RELCH: variants seen among roughly 807,000 people sequenced by gnomAD.
RELCH encodes the protein RAB11 binding and LisH domain, coiled-coil and HEAT repeat containing, also known as RAB11-binding protein RELCH.
Under a neutral mutation model 150.3 loss-of-function variants are expected in RELCH, and 41 were observed. The ratio of observed to expected loss-of-function variants is 0.27; its 90% CI spans 0.21 to 0.35. RELCH has a LOEUF of 0.35. Ranked by LOEUF, RELCH falls within the 10% of genes least tolerant of loss-of-function variation. The pLI is 1.00. For synonymous variants in RELCH, 478 were observed against 531.8 expected, an observed-to-expected ratio of 0.90 and a Z score of 1.39; for missense variants, 1,092 against 1,467.8, an observed-to-expected ratio of 0.74 and a Z score of 4.18.
Position 62,305,519 on chromosome 18 carries a change from T to C in RELCH, c.3636T>C (p.Phe1212=). ...TTSGAMLANV[F]QRKK is the part of the protein sequence containing the mutation. ...CAGGTGCCATGTTGGCCAATGTATTTCAGAGAAAGAAGTAGAAGCAGGAAA... is the reference window on the plus strand; with the variant it reads ...CAGGTGCCATGTTGGCCAATGTATTCCAGAGAAAGAAGTAGAAGCAGGAAA... The change falls in exon 29 of 29, where the codon TTT becomes TTC. Residue 1212 remains phenylalanine, a synonymous_variant. Transcript: ENST00000644646. The surrounding 1 kb of genome is among the most constrained non-coding windows in gnomAD (Gnocchi z 4.0). The C allele has an allele frequency of 1.9e-6, 3 of 1,607,608 alleles. No homozygotes were observed. The highest frequency in any genetic ancestry group is 2.5e-6 in the Non-Finnish European group (3 of 1,176,898).
At chr18:62,251,015 A>T (rs2042675217) in intron 11 of RELCH, among the ~76,000 whole-genome samples, 1 of 152,208 alleles carries the variant, frequency 6.6e-6, no homozygotes, top group Non-Finnish European at 1.5e-5. Flanking sequence ...TGCATTTTAA[A>T]GTCATTTTAG....
At chr18:62,294,947 G>A (rs190960940) in intron 27 of RELCH, among the ~76,000 whole-genome samples, 43 of 152,144 alleles carry the variant, frequency 2.8e-4, no homozygotes, top group Admixed American at 2.7e-3. Flanking sequence ...GCCTGTTATT[G>A]GGGAACATTC....
At chr18:62,275,182 T>A (rs1399435935) in intron 21 of RELCH, among the ~76,000 whole-genome samples, 192 bp from the exon 22 acceptor site, 1 of 152,208 alleles carries the variant, frequency 6.6e-6, no homozygotes, top group Non-Finnish European at 1.5e-5. Context: ...CTCAAAGTGC[T>A]GGGATTACAG....
chr18:62,208,882 G>A (rs951025986), intron 1 of RELCH, among the ~76,000 whole-genome samples: 2 of 152,088 alleles, frequency 1.3e-5, no homozygotes, highest in Admixed American at 6.5e-5. Flanking sequence ...GTCTCACGTT[G>A]AGCTAAATGG....
At position 62,264,859 on chromosome 18, in the gene RELCH, A is replaced by T; in HGVS notation, c.2631+7A>T. Reference sequence around the variant, plus strand: ...AATTTTTACAAACACTAAGGTAAAAACTTGTATTCCATGTTTTCTTATATG... The same window carrying T: ...AATTTTTACAAACACTAAGGTAAAATCTTGTATTCCATGTTTTCTTATATG... On this transcript the variant is annotated splice_region_variant and intron_variant, in intron 18 of 28. Coordinates refer to ENST00000644646, the MANE Select transcript of RELCH (RefSeq NM_001346231.2). The T allele has an allele frequency of 6.3e-7, 1 of 1,598,168 alleles. No homozygotes were observed. Among genetic ancestry groups the T allele is most frequent in the Non-Finnish European group, 8.5e-7 (1 of 1,173,052 alleles).
At position 62,221,499 on chromosome 18, in the gene RELCH, TAA is replaced by T. The variant is rs2040866399; in HGVS notation, c.858+4_858+5del. ...TTTTCAGATGAAAACGATGATCAGGTAAAGTTACTTTTTGTTTTTACAGTGAT... is the reference window on the plus strand; with the variant it reads ...TTTTCAGATGAAAACGATGATCAGGTAGTTACTTTTTGTTTTTACAGTGAT... On this transcript the variant is annotated splice_donor_region_variant and intron_variant, in intron 5 of 28. Coordinates refer to ENST00000644646, the MANE Select transcript of RELCH (RefSeq NM_001346231.2). 2 of 1,374,482 alleles carry T rather than the reference TAA, an allele frequency of 1.5e-6. No individual in the cohort carries two copies. 85.1% of individuals were successfully genotyped at this position (1,374,482 alleles called of 1,614,324 possible).
At chr18:62,251,855 G>A (rs2042720044) in intron 11 of RELCH, among the ~76,000 whole-genome samples, 1 of 152,090 alleles carries the variant, frequency 6.6e-6, no homozygotes, top group South Asian at 2.1e-4. Flanking sequence ...GGAAGGTTAT[G>A]AGATTCAGCC....
chr18:62,225,459 A>G (rs1182640744), intron 5 of RELCH, among the ~76,000 whole-genome samples: 1 of 152,048 alleles, frequency 6.6e-6, no homozygotes, highest in Non-Finnish European at 1.5e-5. Flanking sequence ...TATATCCAAA[A>G]TTTATAAAGA....
chr18:62,257,847 C>A, intron 13 of RELCH, 101 bp from the exon 14 acceptor site: 1 of 877,962 alleles, frequency 1.1e-6, no homozygotes, highest in Non-Finnish European at 1.7e-6. Flanking sequence ...AATGTTAATA[C>A]CTGTTTAATC....
chr18:62,298,259 A>C (rs2045510850), intron 27 of RELCH, among the ~76,000 whole-genome samples: 1 of 152,172 alleles, frequency 6.6e-6, no homozygotes, highest in South Asian at 2.1e-4. Context: ...TAACCTTTCT[A>C]TCACTCACTC....
intron 8 of RELCH, among the ~76,000 whole-genome samples, chr18:62,229,884 G>A (rs1047529382): frequency 4.6e-5 from 7 of 152,066 alleles, no homozygotes; most frequent in Non-Finnish European, 8.8e-5. Flanking sequence ...GACAAAGTTG[G>A]AGAAGTAAGC....
At chr18:62,189,264 T>TG (rs1252233284) in intron 1 of RELCH, among the ~76,000 whole-genome samples, 1 of 140,050 alleles carries the variant, frequency 7.1e-6, no homozygotes, top group Non-Finnish European at 1.5e-5. Context: ...TTTTTGTTTT[T>TG]TTTTTTTGTT....
chr18:62,273,176 T>C (rs1435495099), intron 20 of RELCH, among the ~76,000 whole-genome samples: 1 of 152,090 alleles, frequency 6.6e-6, no homozygotes, highest in Non-Finnish European at 1.5e-5. Context: ...GACTATCAGA[T>C]TCCCTTCCCA....
intron 1 of RELCH, 39 bp from the exon 2 acceptor site, chr18:62,211,114 A>G (rs1401637976): frequency 9.3e-7 from 1 of 1,073,114 alleles, no homozygotes; most frequent in Non-Finnish European, 1.4e-6. Context: ...TTATTTTAAC[A>G]ATTAAATTAA....
intron 1 of RELCH, among the ~76,000 whole-genome samples, chr18:62,210,314 G>T (rs1167109828): frequency 6.6e-6 from 1 of 152,106 alleles, no homozygotes. Context: ...ATCAGTTGTG[G>T]ATTCCAATTC....
At chr18:62,262,477 T>G (rs532567554) in intron 16 of RELCH, among the ~76,000 whole-genome samples, 14 of 152,212 alleles carry the variant, frequency 9.2e-5, no homozygotes, top group African/African-American at 3.4e-4. Flanking sequence ...GTAGGCTACC[T>G]ATAATATTTG....
In RELCH at chr18:62,305,675, C is replaced by T. The variant is rs2045855125; in HGVS notation, c.*141C>T. The stretch of plus-strand genomic sequence containing the variant: ...TTATCCTAACCTCCAAAGATATTTG[C>T]ACTGCTTTTAATTACTGCTGTATAT... On this transcript the variant is annotated 3_prime_UTR_variant, in exon 29 of 29. Transcript: ENST00000644646. This position sits in a 1 kb window ranked among gnomAD's most constrained non-coding sequence, Gnocchi z 4.0. 1 of 853,484 alleles carries T rather than the reference C, an allele frequency of 1.2e-6. No homozygotes were observed. The highest frequency in any genetic ancestry group is 1.7e-5 in the African/African-American group (1 of 57,250). The allele number at this position is 853,484 out of a possible 1,614,324, so 52.9% of individuals were successfully genotyped here. A position where few individuals can be genotyped will look rare whatever the true frequency, so the allele number is the denominator to read the frequency against.
chr18:62,221,548 ACTTTTT>A, intron 5 of RELCH, 51 bp downstream of exon 5: 2 of 805,154 alleles, frequency 2.5e-6, no homozygotes, highest in Non-Finnish European at 3.9e-6. Flanking sequence ...CTTATAATTC[ACTTTTT>A]CTTTTACGTA....
intron 1 of RELCH, among the ~76,000 whole-genome samples, chr18:62,191,854 A>G (rs2038667169): frequency 6.6e-6 from 1 of 152,182 alleles, no homozygotes; most frequent in South Asian, 2.1e-4. Context: ...TGCAATGAAG[A>G]TACACATGCC....
Sources: gnomAD v4.1 joint callset for allele counts (sites outside exome capture counted in the v4.1 genomes callset) on GRCh38, gnomAD v4.1.1 for gene constraint, Gnocchi (gnomAD v3.1) non-coding constraint, MANE v1.5 for transcripts, NCBI Gene and HGNC (gene_info 2026-07-23, HGNC 2026-07-21) for gene names.